The following KCNIP4 variants were observed in gnomAD, a reference collection of about 807,000 sequenced individuals.
KCNIP4 encodes Kv channel-interacting protein 4.
In KCNIP4, 12 loss-of-function variants were observed where a neutral mutation model predicts 34.0. That is an observed-to-expected ratio of 0.35 (90% confidence interval 0.23 to 0.57). The LOEUF is 0.57. KCNIP4 is among the 20% of genes least tolerant of loss of function. KCNIP4 has a pLI of 0.83. For missense variants in KCNIP4, 238 were observed against 311.7 expected (o/e 0.76, Z 1.78); for synonymous variants, 124 against 102.2 (o/e 1.21, Z -1.29).
chr4:21,910,389 C>T (rs915656824), intron 1 of KCNIP4, among the ~76,000 whole-genome samples: 1 of 152,120 alleles, frequency 6.6e-6, no homozygotes, highest in Non-Finnish European at 1.5e-5. Context: ...TACATGATTT[C>T]TCATGAAATT....
intron 1 of KCNIP4, among the ~76,000 whole-genome samples, chr4:21,197,543 A>C (rs1311209247): frequency 6.6e-6 from 1 of 152,140 alleles, no homozygotes; most frequent in Non-Finnish European, 1.5e-5. Context: ...AAGATTTCAG[A>C]GTCTGAAAGA....
intron 1 of KCNIP4, among the ~76,000 whole-genome samples, chr4:20,962,470 T>G (rs1382681832): frequency 6.6e-6 from 1 of 152,110 alleles, no homozygotes; most frequent in Non-Finnish European, 1.5e-5. Context: ...TGTACAGAAC[T>G]GAGTAGGGGT....
At chr4:21,266,243 C>T (rs55797070) in intron 1 of KCNIP4, among the ~76,000 whole-genome samples, 2,959 of 152,176 alleles carry the variant, frequency 0.019, 80 homozygotes, top group African/African-American at 0.064. Context: ...TGCAACTTTA[C>T]GAAGCGTACA....
At chr4:20,746,331 A>G (rs1752413675) in intron 5 of KCNIP4, among the ~76,000 whole-genome samples, 1 of 151,746 alleles carries the variant, frequency 6.6e-6, no homozygotes, top group South Asian at 2.1e-4. Flanking sequence ...ATGAGAACAC[A>G]CGGACATAGG....
intron 1 of KCNIP4, among the ~76,000 whole-genome samples, chr4:21,178,170 C>T (rs1754567768): frequency 6.6e-6 from 1 of 152,134 alleles, no homozygotes; most frequent in Non-Finnish European, 1.5e-5. Flanking sequence ...AAATAAGGTT[C>T]TTCCTCTTAA....
intron 1 of KCNIP4, among the ~76,000 whole-genome samples, chr4:21,386,067 T>G (rs1162594484): frequency 2.0e-5 from 3 of 152,170 alleles, no homozygotes; most frequent in Non-Finnish European, 2.9e-5. Flanking sequence ...CGTATAAATA[T>G]GGGGAAATTA....
chr4:20,868,473 C>A (rs1322053657), intron 2 of KCNIP4, among the ~76,000 whole-genome samples: 1 of 152,070 alleles, frequency 6.6e-6, no homozygotes, highest in African/African-American at 2.4e-5. Context: ...TTTGACCCAG[C>A]AATCACATTA....
intron 1 of KCNIP4, among the ~76,000 whole-genome samples, chr4:20,981,135 T>C (rs554906384): frequency 2.0e-5 from 3 of 152,306 alleles, no homozygotes; most frequent in Non-Finnish European, 2.9e-5. Context: ...CCTCAGACTC[T>C]GCTTGAACTG....
rs201433014 is a variant in KCNIP4, at chr4:21,190,498, C to G, written c.62-307789G>C. Reference sequence around the variant, plus strand: ...TGCAACCTTTCATTGTTTCTTTTTGCGAGTGGGTGGGGGGGGGCACTGAGG... The same window carrying G: ...TGCAACCTTTCATTGTTTCTTTTTGGGAGTGGGTGGGGGGGGGCACTGAGG... On this transcript the variant is annotated intron_variant, in intron 1 of 8. Coordinates refer to ENST00000382152, the MANE Select transcript of KCNIP4 (RefSeq NM_025221.6). 6.7e-4 allele frequency among the ~76,000 whole-genome samples: 73 copies of G among 108,918 alleles called. 1 individual carries two copies. In the East Asian group the frequency reaches 0.02, roughly 30 times the overall value. 71.5% of individuals were successfully genotyped at this position (108,918 alleles called of 152,430 possible). A position where few individuals can be genotyped will look rare whatever the true frequency, so the allele number is the denominator to read the frequency against.
At chr4:21,159,382 T>TTAGGTATTCAAATGAAAATTATTTA (rs1577808067) in intron 1 of KCNIP4, among the ~76,000 whole-genome samples, 8 of 82,322 alleles carry the variant, frequency 9.7e-5, no homozygotes, top group African/African-American at 1.9e-4. Flanking sequence ...ATACTAAAGA[T>TTAGGTATTCAAATGAAAATTATTTA]ATGTTTGAGG....
chr4:21,842,751 T>C (rs551978214), intron 1 of KCNIP4, among the ~76,000 whole-genome samples: 22 of 152,256 alleles, frequency 1.4e-4, no homozygotes, highest in African/African-American at 5.3e-4. Context: ...AAATATTACT[T>C]TCTTTCATAT....
chr4:21,335,724 A>T, intron 1 of KCNIP4, among the ~76,000 whole-genome samples: 1 of 152,208 alleles, frequency 6.6e-6, no homozygotes, highest in East Asian at 1.9e-4. Flanking sequence ...TTATTCTGAT[A>T]TCACTCAGAG....
At chr4:20,900,131 T>C (rs1577336751) in intron 1 of KCNIP4, among the ~76,000 whole-genome samples, 2 of 152,198 alleles carry the variant, frequency 1.3e-5, no homozygotes. Context: ...CAGAATGTGC[T>C]ACTGTATTGA....
chr4:20,809,176 G>A (rs1715428423), intron 3 of KCNIP4, among the ~76,000 whole-genome samples: 1 of 152,094 alleles, frequency 6.6e-6, no homozygotes, highest in Admixed American at 6.5e-5. Context: ...TCCAGTGTCA[G>A]TAATAATCTA....
intron 2 of KCNIP4, among the ~76,000 whole-genome samples, chr4:20,867,243 C>T (rs762068596): frequency 6.6e-6 from 1 of 151,924 alleles, no homozygotes; most frequent in East Asian, 1.9e-4. Context: ...AGAAACTAAG[C>T]CCAAGACATC....
intron 1 of KCNIP4, among the ~76,000 whole-genome samples, chr4:21,530,249 A>G (rs898611422): frequency 6.6e-6 from 1 of 152,198 alleles, no homozygotes; most frequent in Admixed American, 6.5e-5. Context: ...CTGCTGTCAA[A>G]TACATAATGT....
intron 1 of KCNIP4, among the ~76,000 whole-genome samples, chr4:21,655,980 C>T (rs57357160): frequency 6.6e-6 from 1 of 152,162 alleles, no homozygotes; most frequent in Admixed American, 6.5e-5. Flanking sequence ...CTTTGAACTA[C>T]TTAATCTCTG....
At chr4:21,194,438 G>C (rs1320293617) in intron 1 of KCNIP4, among the ~76,000 whole-genome samples, 1 of 152,122 alleles carries the variant, frequency 6.6e-6, no homozygotes, top group African/African-American at 2.4e-5. Context: ...ATAAATAAAT[G>C]AGTAAAGGAA....
intron 1 of KCNIP4, among the ~76,000 whole-genome samples, chr4:21,186,684 A>G (rs1314337549): frequency 1.3e-5 from 2 of 152,174 alleles, no homozygotes; most frequent in African/African-American, 4.8e-5. Flanking sequence ...TCACTCTGTC[A>G]CCCAGGCTAA....
Sources: allele counts gnomAD v4.1 joint callset (sites outside exome capture counted in the v4.1 genomes callset), GRCh38; gene constraint gnomAD v4.1.1; transcripts MANE v1.5; gene names NCBI Gene and HGNC (gene_info 2026-07-23, HGNC 2026-07-21).